CD163L1: variants seen among roughly 807,000 people sequenced by gnomAD.
CD163L1 encodes scavenger receptor cysteine-rich type 1 protein M160.
In CD163L1, 124 loss-of-function variants were observed where a neutral mutation model predicts 165.4. That is an observed-to-expected ratio of 0.75 (90% CI 0.65 to 0.87). The LOEUF (loss-of-function observed/expected upper bound fraction) is 0.87. Among genes scored for constraint, CD163L1 ranks in the 40% least tolerant of loss-of-function variants. The pLI is 0.00. For synonymous variants in CD163L1, 585 were observed against 662.2 expected (o/e 0.88, Z 1.79); for missense variants, 1,525 against 1,799.9 (o/e 0.85, Z 2.76).
rs1365445991 is a variant in CD163L1, at chr12:7,421,544, CATATACAT to C, written c.766+10864_766+10871del. On this transcript the variant is annotated intron_variant, in intron 4 of 19. Transcript: ENST00000313599. ...ATGTACATATATACATATACGTACA[CATATACAT>C]ATACATATATGTACATATATACATG... Among the ~76,000 whole-genome samples the C allele has an allele frequency of 2.5e-4, 29 of 113,782 alleles. 2 individuals carry two copies. The highest frequency in any genetic ancestry group is 1.3e-3 in the African/African-American group (29 of 22,468). The allele number at this position is 113,782 out of a possible 152,430, so 74.6% of individuals were successfully genotyped here.
intron 2 of CD163L1, chr12:7,439,051 G>A: frequency 6.3e-7 from 1 of 1,590,454 alleles, no homozygotes; most frequent in South Asian, 1.1e-5. Flanking sequence ...TCATGGCACT[G>A]TCTAGGGGCT....
intron 18 of CD163L1, among the ~76,000 whole-genome samples, chr12:7,365,980 A>G (rs1947009509): frequency 6.6e-6 from 1 of 152,198 alleles, no homozygotes; most frequent in South Asian, 2.1e-4. Flanking sequence ...AGCACTATTT[A>G]TAATAGCCAA....
chr12:7,396,017 T>A (rs1194330637), intron 8 of CD163L1, 78 bp downstream of exon 8: 20 of 1,174,100 alleles, frequency 1.7e-5, no homozygotes, highest in Non-Finnish European at 2.4e-5. Flanking sequence ...GTCATAAATG[T>A]ACTGACTAAG....
chr12:7,338,773 C>T, the CD163L1 span, among the ~76,000 whole-genome samples: 22 of 152,144 alleles, frequency 1.4e-4, no homozygotes, highest in African/African-American at 5.3e-4. Context: ...CCCAGATCTT[C>T]AGCACTCCCA....
At chr12:7,441,394 T>G (rs1948829745) in intron 1 of CD163L1, 148 bp from the exon 2 acceptor site, 4 of 606,768 alleles carry the variant, frequency 6.6e-6, no homozygotes, top group Non-Finnish European at 1.1e-5. Context: ...AAAGTCCTTT[T>G]CCCAGGAAAA....
intron 2 of CD163L1, among the ~76,000 whole-genome samples, chr12:7,437,805 T>C (rs1948759617): frequency 6.6e-6 from 1 of 151,888 alleles, no homozygotes; most frequent in Admixed American, 6.6e-5. Context: ...AAAAGAATTT[T>C]GCTTCCTCAG....
At chr12:7,389,566 A>G (rs1451740553) in intron 8 of CD163L1, among the ~76,000 whole-genome samples, 1 of 152,096 alleles carries the variant, frequency 6.6e-6, no homozygotes. Flanking sequence ...GTTTAAAAAA[A>G]ACAGAAAAAA....
intron 4 of CD163L1, among the ~76,000 whole-genome samples, chr12:7,414,611 G>A (rs968088045): frequency 2.0e-5 from 3 of 151,996 alleles, no homozygotes; most frequent in Non-Finnish European, 4.4e-5. Flanking sequence ...ATAATCCCAA[G>A]GAACTCCAAA....
chr12:7,327,201 A>C, the CD163L1 span: 2 of 1,304,544 alleles, frequency 1.5e-6, no homozygotes, highest in Non-Finnish European at 2.1e-6. Flanking sequence ...TTATATAGGT[A>C]GAAGACACTT....
intron 18 of CD163L1, among the ~76,000 whole-genome samples, chr12:7,366,398 G>A (rs777020083): frequency 6.6e-5 from 10 of 152,126 alleles, no homozygotes; most frequent in Non-Finnish European, 8.8e-5. Flanking sequence ...TAATTCAGAT[G>A]TTTCTGGTAT....
intron 4 of CD163L1, among the ~76,000 whole-genome samples, chr12:7,408,144 G>GTC (rs1018649109): frequency 2.6e-5 from 4 of 151,370 alleles, no homozygotes; most frequent in Admixed American, 6.6e-5. Flanking sequence ...TTGTCTGTCT[G>GTC]TCTCTCTCTC....
At chr12:7,353,140 A>G (rs781066480), downstream of CD163L1, among the ~76,000 whole-genome samples, 1 of 152,070 alleles carries the variant, frequency 6.6e-6, no homozygotes, top group Non-Finnish European at 1.5e-5. Context: ...AAAGAAATCA[A>G]TAGGAATTCT....
At position 7,373,648 on chromosome 12, in the gene CD163L1, G is replaced by A. The variant is rs1443723083; in HGVS notation, c.3410-8C>T. The A allele has an allele frequency of 6.4e-7, 1 of 1,562,216 alleles. No homozygotes were observed. Among genetic ancestry groups the A allele is most frequent in the East Asian group, 2.3e-5 (1 of 44,190 alleles). Reference sequence around the variant, plus strand: ...GCCTCAAGGCTGTGAATTCTACAGAGAAATACAAAACTTAGTATTAAATAT... The same window carrying A: ...GCCTCAAGGCTGTGAATTCTACAGAAAAATACAAAACTTAGTATTAAATAT... On this transcript the variant is annotated splice_polypyrimidine_tract_variant and splice_region_variant and intron_variant, in intron 13 of 19. Coordinates refer to ENST00000313599, the MANE Select transcript of CD163L1 (RefSeq NM_174941.6).
At chr12:7,423,682 C>G (rs1948483795) in intron 4 of CD163L1, among the ~76,000 whole-genome samples, 1 of 152,136 alleles carries the variant, frequency 6.6e-6, no homozygotes, top group African/African-American at 2.4e-5. Flanking sequence ...AAACTACCGT[C>G]AGAGAACACT....
At chr12:7,381,961 A>AT (rs1417491877) in intron 8 of CD163L1, among the ~76,000 whole-genome samples, 1 of 146,278 alleles carries the variant, frequency 6.8e-6, no homozygotes, top group Non-Finnish European at 1.5e-5. Context: ...GAATTAAAAA[A>AT]ATATATATTT....
the CD163L1 span, among the ~76,000 whole-genome samples, chr12:7,321,061 G>C: frequency 6.6e-6 from 1 of 152,074 alleles, no homozygotes; most frequent in Admixed American, 6.6e-5. Flanking sequence ...AGACACTGCC[G>C]AATGTCTTCT....
intron 4 of CD163L1, among the ~76,000 whole-genome samples, chr12:7,431,824 G>A (rs185695880): frequency 6.6e-6 from 1 of 152,280 alleles, no homozygotes; most frequent in African/African-American, 2.4e-5. Context: ...ACTGAGCTTA[G>A]GAAGATTAGA....
chr12:7,398,478 C>T lies in CD163L1; in HGVS notation c.1515G>A (p.Trp505Ter), dbSNP rs1244553053. Reference protein sequence around the residue: ...GEWGTVCHDRWSTRNAAVVCK... With the variant: ...GEWGTVCHDR ...AAACAACAGCTGCATTCCTTGTGCT[C>T]CATCTGTCATGACACACAGTCCCCC... The change falls in exon 7 of 20, where the codon TGG becomes TGA. Residue 505 changes from tryptophan to a stop codon, truncating the protein, a stop_gained. Transcript: ENST00000313599. LOFTEE classifies it high-confidence loss of function. The surrounding 1 kb of genome is among the most constrained non-coding windows in gnomAD (Gnocchi z 4.5). 1.2e-6 allele frequency: 2 copies of T among 1,613,994 alleles called. No individual in the cohort carries two copies. Among genetic ancestry groups the T allele is most frequent in the Admixed American group, 3.3e-5 (2 of 60,004 alleles).
chr12:7,353,609 G>A (rs920363615), downstream of CD163L1, among the ~76,000 whole-genome samples: 1 of 151,962 alleles, frequency 6.6e-6, no homozygotes, highest in Non-Finnish European at 1.5e-5. Context: ...TAATAAGAAT[G>A]AATAATCTTT....
Sources: allele counts gnomAD v4.1 joint callset (sites outside exome capture counted in the v4.1 genomes callset), GRCh38; gene constraint gnomAD v4.1.1; non-coding constraint Gnocchi (gnomAD v3.1); transcripts MANE v1.5; gene names NCBI Gene and HGNC (gene_info 2026-07-23, HGNC 2026-07-21).